CD2AP: variants seen among roughly 807,000 people sequenced by gnomAD.
The protein encoded by CD2AP is CD2-associated protein.
A neutral mutation model predicts 85.1 loss-of-function variants in CD2AP; 46 were observed. The ratio of observed to expected loss-of-function variants is 0.54; its 90% CI spans 0.43 to 0.69. CD2AP has a LOEUF of 0.69. CD2AP is among the 30% of genes least tolerant of loss of function. CD2AP has a pLI of 0.00. For missense variants in CD2AP, 769 were observed against 729.5 expected (o/e 1.05, Z -0.62); for synonymous variants, 255 against 252.9 (o/e 1.01, Z -0.08).
chr6:47,572,099 G>A (rs557974020), intron 5 of CD2AP, among the ~76,000 whole-genome samples: 1 of 152,272 alleles, frequency 6.6e-6, no homozygotes, highest in African/African-American at 2.4e-5. Flanking sequence ...AACCAAACAT[G>A]TCTTCAGTTA....
chr6:47,601,244 T>C (rs552889877), intron 13 of CD2AP, among the ~76,000 whole-genome samples: 5 of 152,054 alleles, frequency 3.3e-5, no homozygotes, highest in African/African-American at 9.6e-5. Flanking sequence ...TTACTCCCTA[T>C]ATAGTAAACA....
chr6:47,602,484 A>G (rs1769167139), intron 13 of CD2AP, among the ~76,000 whole-genome samples: 2 of 152,074 alleles, frequency 1.3e-5, no homozygotes. Flanking sequence ...TTAAAATGTA[A>G]GATAGAAAAT....
intron 1 of CD2AP, among the ~76,000 whole-genome samples, chr6:47,492,256 C>A (rs1002633140): frequency 6.6e-5 from 10 of 151,788 alleles, no homozygotes; most frequent in African/African-American, 2.2e-4. Context: ...AGCATCTAGG[C>A]ACTGGCAAAT....
At chr6:47,521,595 A>T (rs1326236353) in intron 2 of CD2AP, among the ~76,000 whole-genome samples, 1 of 152,226 alleles carries the variant, frequency 6.6e-6, no homozygotes, top group East Asian at 1.9e-4. Context: ...AGCTGTTGTT[A>T]TTAAGCTAGT....
intron 8 of CD2AP, among the ~76,000 whole-genome samples, chr6:47,577,488 A>G (rs1206130865): frequency 1.3e-5 from 2 of 152,070 alleles, no homozygotes; most frequent in African/African-American, 4.8e-5. Context: ...ACAGAAGAAA[A>G]ATAGGGAAAC....
In CD2AP at chr6:47,478,229, C is replaced by T. The variant is rs768055057; in HGVS notation, c.-16C>T. 2 of 1,569,316 alleles carry T rather than the reference C, an allele frequency of 1.3e-6. No homozygotes were observed. The highest frequency in any genetic ancestry group is 1.2e-5 in the South Asian group (1 of 85,462). On this transcript the variant is annotated 5_prime_UTR_variant, in exon 1 of 18. Coordinates refer to ENST00000359314, the MANE Select transcript of CD2AP (RefSeq NM_012120.3). Reference sequence around the variant, plus strand: ...GGAGGAGCGGACGTCGGCTTCTCCCCGCGGGAGCCCCCAGCATGGGTAAGA... The same window carrying T: ...GGAGGAGCGGACGTCGGCTTCTCCCTGCGGGAGCCCCCAGCATGGGTAAGA...
intron 5 of CD2AP, among the ~76,000 whole-genome samples, chr6:47,561,400 A>G (rs551003748): frequency 6.6e-6 from 1 of 152,038 alleles, no homozygotes; most frequent in South Asian, 2.1e-4. Flanking sequence ...TTACTCTGTG[A>G]TATAAGATAT....
chr6:47,548,925 T>C (rs749920606), intron 4 of CD2AP, among the ~76,000 whole-genome samples: 20 of 152,128 alleles, frequency 1.3e-4, no homozygotes, highest in Non-Finnish European at 1.9e-4. Flanking sequence ...ATATGATATG[T>C]CACATAAACA....
intron 17 of CD2AP, among the ~76,000 whole-genome samples, chr6:47,614,464 C>G (rs1405306554): frequency 1.3e-5 from 2 of 152,116 alleles, no homozygotes; most frequent in Admixed American, 6.6e-5. Context: ...AAAGGCTGAT[C>G]AGTGTAGCAG....
In CD2AP at chr6:47,626,245, T is replaced by G. The variant is rs1286098954; in HGVS notation, c.*2018T>G. On this transcript the variant is annotated 3_prime_UTR_variant, in exon 18 of 18. Coordinates refer to ENST00000359314, the MANE Select transcript of CD2AP (RefSeq NM_012120.3). Reference sequence around the variant, plus strand: ...TTGCTTGTGTCCTCCTCAGTCAGAATAGAAAAGTAACTGAAATACTTTTAC... The same window carrying G: ...TTGCTTGTGTCCTCCTCAGTCAGAAGAGAAAAGTAACTGAAATACTTTTAC... 1 of 151,898 alleles carries G rather than the reference T, an allele frequency of 6.6e-6. No homozygotes were observed. The highest frequency in any genetic ancestry group is 2.4e-5 in the African/African-American group (1 of 41,426). The allele number at this position is 151,898 out of a possible 1,614,324, so 9.4% of individuals were successfully genotyped here.
At chr6:47,615,928 C>T (rs12195738) in intron 17 of CD2AP, among the ~76,000 whole-genome samples, 28,474 of 150,386 alleles carry the variant, frequency 0.19, 3,288 homozygotes, top group Non-Finnish European at 0.26. Context: ...TACAGGCGCC[C>T]GCCACCACAC....
At chr6:47,569,538 G>A (rs1053140536) in intron 5 of CD2AP, among the ~76,000 whole-genome samples, 2 of 151,012 alleles carry the variant, frequency 1.3e-5, no homozygotes, top group East Asian at 1.9e-4. Context: ...GGCTTTACCG[G>A]GCAACTAGAT....
intron 14 of CD2AP, 149 bp from the exon 15 acceptor site, chr6:47,607,778 A>G (rs1582619538): frequency 3.4e-6 from 2 of 587,172 alleles, no homozygotes; most frequent in East Asian, 5.6e-5. Context: ...TCAGCTTGAA[A>G]GTATATAGCA....
chr6:47,515,187 A>G (rs566331333), intron 2 of CD2AP, among the ~76,000 whole-genome samples: 31 of 152,336 alleles, frequency 2.0e-4, no homozygotes, highest in Middle Eastern at 6.8e-3. Flanking sequence ...CTTTGGCTGA[A>G]TGAAAGTTTT....
At chr6:47,511,694 G>T (rs1024694223) in intron 2 of CD2AP, among the ~76,000 whole-genome samples, 1 of 152,104 alleles carries the variant, frequency 6.6e-6, no homozygotes, top group Non-Finnish European at 1.5e-5. Flanking sequence ...CAACAGCAAT[G>T]GATAATACAC....
intron 2 of CD2AP, among the ~76,000 whole-genome samples, chr6:47,515,202 T>C (rs1653823952): frequency 6.6e-6 from 1 of 152,132 alleles, no homozygotes; most frequent in African/African-American, 2.4e-5. Flanking sequence ...AGTTTTCATA[T>C]GGGGGAGTAA....
intron 1 of CD2AP, among the ~76,000 whole-genome samples, chr6:47,484,054 T>C (rs184854841): frequency 6.6e-6 from 1 of 152,206 alleles, no homozygotes; most frequent in Non-Finnish European, 1.5e-5. Context: ...AGACCTTTTT[T>C]GTTGTTGCTT....
intron 5 of CD2AP, among the ~76,000 whole-genome samples, chr6:47,572,514 G>A (rs552869974): frequency 1.3e-5 from 2 of 152,258 alleles, no homozygotes; most frequent in East Asian, 1.9e-4. Context: ...CACTATACTT[G>A]TTAGCATTAT....
intron 12 of CD2AP, among the ~76,000 whole-genome samples, chr6:47,597,279 A>G (rs1768978412): frequency 6.6e-6 from 1 of 150,876 alleles, no homozygotes; most frequent in African/African-American, 2.4e-5. Context: ...GCTTATAGGT[A>G]GAAGGCCCTC....
Sources: allele counts gnomAD v4.1 joint callset (sites outside exome capture counted in the v4.1 genomes callset), GRCh38; gene constraint gnomAD v4.1.1; transcripts MANE v1.5; gene names NCBI Gene and HGNC (gene_info 2026-07-23, HGNC 2026-07-21).